Variants in ARSG observed in about 807,000 individuals in gnomAD.
ARSG encodes ASG.
ARSG carries 37 observed loss-of-function variants against 50.5 expected under a neutral mutation model. The observed-to-expected ratio is 0.73, with a 90% CI of 0.56 to 0.96. The LOEUF is 0.96. Among genes scored for constraint, ARSG ranks in the 50% least tolerant of loss-of-function variants. The pLI, the probability that ARSG is intolerant of heterozygous loss-of-function variation, is 0.00. For missense variants in ARSG, 629 were observed against 675.3 expected (o/e 0.93, Z 0.76); for synonymous variants, 225 against 254.6 (o/e 0.88, Z 1.11).
chr17:68,281,158 C>G (rs937794091), intron 1 of ARSG, among the ~76,000 whole-genome samples: 1 of 151,490 alleles, frequency 6.6e-6, no homozygotes, highest in South Asian at 2.1e-4. Context: ...AAAGACAACC[C>G]ACAGAAGGGT....
chr17:68,418,453 T>C (rs1032563815), intron 11 of ARSG, among the ~76,000 whole-genome samples: 1 of 152,188 alleles, frequency 6.6e-6, no homozygotes, highest in African/African-American at 2.4e-5. Context: ...AGACAACAAC[T>C]ATTAATCTCT....
At chr17:68,439,347 C>T in the ARSG span, among the ~76,000 whole-genome samples, 2 of 152,132 alleles carry the variant, frequency 1.3e-5, no homozygotes, top group Non-Finnish European at 2.9e-5. Flanking sequence ...ACCTTGGAAA[C>T]ATTAGGCTAT....
chr17:68,342,911 C>T (rs2078335118), intron 2 of ARSG, among the ~76,000 whole-genome samples: 2 of 152,228 alleles, frequency 1.3e-5, no homozygotes. Flanking sequence ...GCCAAAGCTA[C>T]TCAAACTTTG....
At chr17:68,385,936 A>C (rs1348514867) in intron 9 of ARSG, among the ~76,000 whole-genome samples, 2 of 152,190 alleles carry the variant, frequency 1.3e-5, no homozygotes, top group African/African-American at 4.8e-5. Context: ...CCTCCAGGCC[A>C]TTAGGGAAAT....
intron 1 of ARSG, chr17:68,268,474 G>C (rs528636822): frequency 2.0e-5 from 3 of 151,954 alleles, no homozygotes; most frequent in African/African-American, 7.3e-5. Context: ...TAAAATGTTT[G>C]GTCTTAAACT....
intron 2 of ARSG, among the ~76,000 whole-genome samples, chr17:68,341,255 T>G (rs1437384967): frequency 6.6e-6 from 1 of 152,218 alleles, no homozygotes. Flanking sequence ...CGTTTTTTGT[T>G]TTTTGTTTTT....
chr17:68,368,673 AC>A lies in ARSG; in HGVS notation c.831del (p.Asp277GlufsTer15). On this transcript the variant is annotated frameshift_variant, in exon 7 of 12. Coordinates refer to ENST00000621439, the MANE Select transcript of ARSG (RefSeq NM_001267727.2). LOFTEE classifies it high-confidence loss of function. ...SLYGAGLWEM[D>X]SLVGQIKDKV... is the part of the protein sequence containing the mutation. ...TATGGTGCAGGGCTCTGGGAGATGG[AC>A]AGTCTGGTGGGCCAGATCAAGGACA... The A allele has an allele frequency of 6.2e-7, 1 of 1,614,174 alleles. No individual in the cohort carries two copies. The highest frequency in any genetic ancestry group is 8.5e-7 in the Non-Finnish European group (1 of 1,180,012).
chr17:68,380,483 G>A (rs2080380513), intron 8 of ARSG, among the ~76,000 whole-genome samples: 1 of 152,046 alleles, frequency 6.6e-6, no homozygotes, highest in African/African-American at 2.4e-5. Context: ...TGCCCAGTCT[G>A]GTCTCGGACT....
At chr17:68,435,045 A>G in the ARSG span, among the ~76,000 whole-genome samples, 6 of 152,102 alleles carry the variant, frequency 3.9e-5, no homozygotes, top group East Asian at 1.9e-4. Flanking sequence ...CGTCTCCACT[A>G]AAATACAAAA....
At chr17:68,374,954 C>T (rs775544999) in intron 8 of ARSG, among the ~76,000 whole-genome samples, 52 of 152,086 alleles carry the variant, frequency 3.4e-4, no homozygotes, top group Non-Finnish European at 4.9e-4. Flanking sequence ...TGTAAGCATT[C>T]GTTGAGTGCC....
At chr17:68,429,052 C>G in the ARSG span, 1 of 731,974 alleles carries the variant, frequency 1.4e-6, no homozygotes, top group Non-Finnish European at 2.3e-6. Flanking sequence ...TTGACAAACC[C>G]TTAGCCCACT....
intron 2 of ARSG, among the ~76,000 whole-genome samples, chr17:68,318,458 A>G (rs2077157288): frequency 6.6e-6 from 1 of 152,216 alleles, no homozygotes; most frequent in Non-Finnish European, 1.5e-5. Flanking sequence ...GCAATGGCCT[A>G]GGATTTCTGA....
intron 11 of ARSG, among the ~76,000 whole-genome samples, chr17:68,408,293 G>C: frequency 9.6e-6 from 1 of 103,932 alleles, no homozygotes; most frequent in South Asian, 3.1e-4. Context: ...CCCCACAACA[G>C]TCCCCAGAGT....
chr17:68,394,251 G>GT (rs1484797287), intron 9 of ARSG, among the ~76,000 whole-genome samples: 3 of 152,092 alleles, frequency 2.0e-5, no homozygotes, highest in African/African-American at 7.2e-5. Context: ...ACAGTTCATG[G>GT]TAAGTACTTA....
intron 1 of ARSG, among the ~76,000 whole-genome samples, chr17:68,296,922 G>C (rs1182094044): frequency 6.6e-6 from 1 of 152,236 alleles, no homozygotes; most frequent in Non-Finnish European, 1.5e-5. Flanking sequence ...CATCTAAGTT[G>C]AGGGGAATGA....
At chr17:68,430,204 C>T in the ARSG span, 5 of 1,557,450 alleles carry the variant, frequency 3.2e-6, no homozygotes, top group Non-Finnish European at 4.3e-6. Context: ...GGCTGCAGGC[C>T]CCACACGCAC....
intron 2 of ARSG, among the ~76,000 whole-genome samples, chr17:68,339,734 G>A (rs574287394): frequency 6.6e-6 from 1 of 152,306 alleles, no homozygotes; most frequent in South Asian, 2.1e-4. Context: ...TAGATTCAGG[G>A]TAAACGCTTT....
chr17:68,419,433 G>C (rs1313800643), intron 11 of ARSG, among the ~76,000 whole-genome samples: 1 of 152,020 alleles, frequency 6.6e-6, no homozygotes, highest in Non-Finnish European at 1.5e-5. Context: ...AAAATTAGCC[G>C]AGCGTGGTGG....
chr17:68,404,863 T>C (rs1309449636), intron 11 of ARSG, among the ~76,000 whole-genome samples: 1 of 152,212 alleles, frequency 6.6e-6, no homozygotes, highest in Non-Finnish European at 1.5e-5. Context: ...TTTTTGTATG[T>C]GGCATAAGTA....
Sources: gnomAD v4.1 joint callset for allele counts (sites outside exome capture counted in the v4.1 genomes callset) on GRCh38, gnomAD v4.1.1 for gene constraint, MANE v1.5 for transcripts, NCBI Gene and HGNC (gene_info 2026-07-23, HGNC 2026-07-21) for gene names.